Variants in GARNL3 observed in about 807,000 individuals in gnomAD.
GARNL3 encodes the protein GTPase activating Rap/RanGAP domain like 3, also known as GTPase-activating Rap/Ran-GAP domain-like protein 3.
Under a neutral mutation model 125.0 loss-of-function variants are expected in GARNL3, and 63 were observed. The ratio of observed to expected loss-of-function variants is 0.50; its 90% confidence interval spans 0.41 to 0.62. The LOEUF (loss-of-function observed/expected upper bound fraction) is 0.62. Ranked by LOEUF, GARNL3 falls within the 20% of genes least tolerant of loss-of-function variation. The pLI, the probability that GARNL3 is intolerant of heterozygous loss-of-function variation, is 0.00. For missense variants in GARNL3, 994 were observed against 1,244.0 expected (o/e 0.80, Z 3.02); for synonymous variants, 439 against 457.5 (o/e 0.96, Z 0.52).
chr9:127,362,426 AC>A (rs1194259985), intron 21 of GARNL3: 1 of 152,106 alleles, frequency 6.6e-6, no homozygotes, highest in African/African-American at 2.4e-5. Context: ...GAAGTCACTT[AC>A]TTACCCCAGA....
At chr9:127,297,392 G>A (rs1215140467) in intron 2 of GARNL3, among the ~76,000 whole-genome samples, 1 of 152,198 alleles carries the variant, frequency 6.6e-6, no homozygotes, top group Non-Finnish European at 1.5e-5. Context: ...GCCCACCTCA[G>A]CCTCCCAAAG....
At chr9:127,270,137 G>T (rs565094334) in intron 1 of GARNL3, among the ~76,000 whole-genome samples, 1 of 152,156 alleles carries the variant, frequency 6.6e-6, no homozygotes, top group East Asian at 1.9e-4. Context: ...GCATTCTCTT[G>T]CTTGTGGACA....
intron 4 of GARNL3, among the ~76,000 whole-genome samples, chr9:127,314,945 G>A (rs1167123426): frequency 6.6e-6 from 1 of 152,192 alleles, no homozygotes; most frequent in African/African-American, 2.4e-5. Flanking sequence ...ATCAGAGAGT[G>A]TTCCAGGTAG....
Position 127,391,524 on chromosome 9 carries a change from C to CAAAAAAAAAAAAAA in GARNL3, c.2870+767_2870+768insAAAAAAAAAAAAAA, listed in dbSNP as rs763160611. Among the ~76,000 whole-genome samples, 54 of 70,454 alleles carry CAAAAAAAAAAAAAA rather than the reference C, an allele frequency of 7.7e-4. 1 individual carries two copies. In the East Asian group the frequency reaches 0.011, roughly 15 times the overall value. The allele number at this position is 70,454 out of a possible 152,430, so 46.2% of individuals were successfully genotyped here. ...GGCAACACAGCAAGACCCATCTCTACAAAAAAAAAATATATATATATATAT... is the reference window on the plus strand; with the variant it reads ...GGCAACACAGCAAGACCCATCTCTACAAAAAAAAAAAAAAAAAAAAAAAATATATATATATATAT... On this transcript the variant is annotated intron_variant, in intron 27 of 27. Transcript: ENST00000373387.
At position 127,385,213 on chromosome 9, in the gene GARNL3, G is replaced by T. The variant is rs1240309139; in HGVS notation, c.2388+68G>T. 6 of 917,184 alleles carry T rather than the reference G, an allele frequency of 6.5e-6. No homozygotes were observed. Among genetic ancestry groups the T allele is most frequent in the Non-Finnish European group, 1.0e-5 (6 of 602,724 alleles). 56.8% of individuals were successfully genotyped at this position (917,184 alleles called of 1,614,324 possible). On this transcript the variant is annotated intron_variant, in intron 24 of 27. Transcript: ENST00000373387. This position sits in a 1 kb window ranked among gnomAD's most constrained non-coding sequence, Gnocchi z 4.1. ...CCCGGCACTGTGGGATTTCAGGTGA[G>T]CACAGAAGCCGCCTCTTGTCAAGTT...
chr9:127,298,729 T>G (rs1365089422), intron 2 of GARNL3, among the ~76,000 whole-genome samples: 1 of 152,216 alleles, frequency 6.6e-6, no homozygotes, highest in African/African-American at 2.4e-5. Context: ...TTAAGGCTTT[T>G]AATATAATTT....
At chr9:127,289,283 C>T (rs965387106) in intron 1 of GARNL3, among the ~76,000 whole-genome samples, 1 of 152,206 alleles carries the variant, frequency 6.6e-6, no homozygotes, top group African/African-American at 2.4e-5. Flanking sequence ...CCCAAGACCA[C>T]TCTCAGGTTT....
chr9:127,362,857 C>G (rs556190293), intron 21 of GARNL3: 2 of 152,180 alleles, frequency 1.3e-5, no homozygotes, highest in Non-Finnish European at 2.9e-5. Flanking sequence ...TCCTGGAGTC[C>G]TCAAGCCAGT....
In GARNL3 at chr9:127,242,285, T is replaced by C. The variant is rs576627985; in HGVS notation, c.-28-794T>C. Among the ~76,000 whole-genome samples the C allele has an allele frequency of 9.1e-4, 139 of 152,348 alleles. No homozygotes were observed. Among genetic ancestry groups the C allele is most frequent in the African/African-American group, 3.3e-3 (136 of 41,582 alleles). On this transcript the variant is annotated intron_variant, in intron 1 of 10. Coordinates refer to the GARNL3 transcript ENST00000439286. This position sits in a 1 kb window ranked among gnomAD's most constrained non-coding sequence, Gnocchi z 4.6. The stretch of plus-strand genomic sequence containing the variant: ...CATAAAATTGCTTTTTATTTTTCCA[T>C]TTCCAAGTAATTGGATTTTGCTGGC...
chr9:127,279,777 G>C (rs1391869145), intron 1 of GARNL3, among the ~76,000 whole-genome samples: 1 of 150,216 alleles, frequency 6.7e-6, no homozygotes, highest in South Asian at 2.1e-4. Flanking sequence ...TTTCATTTTT[G>C]TTTTACTTCA....
chr9:127,365,483 A>G, intron 22 of GARNL3, 117 bp downstream of exon 22: 3 of 844,876 alleles, frequency 3.6e-6, no homozygotes, highest in Non-Finnish European at 5.9e-6. Flanking sequence ...TGGGTTTGTA[A>G]TTGCCTTCCA....
At position 127,316,972 on chromosome 9, in the gene GARNL3, A is replaced by T. The variant is rs1371737752; in HGVS notation, c.439-1091A>T. On this transcript the variant is annotated intron_variant, in intron 4 of 27. Coordinates refer to ENST00000373387, the MANE Select transcript of GARNL3 (RefSeq NM_032293.5). ...TCTTACCCTCCTCTAGCCGTTTGTG[A>T]TGACAATTTTATTACTAATCAAAGT... is the stretch of plus-strand genomic sequence containing the variant. Among the ~76,000 whole-genome samples the T allele has an allele frequency of 3.3e-5, 5 of 152,306 alleles. No individual in the cohort carries two copies. In the East Asian group the frequency reaches 9.6e-4, roughly 29 times the overall value.
intron 17 of GARNL3, among the ~76,000 whole-genome samples, chr9:127,352,331 T>C (rs960418342): frequency 6.6e-6 from 1 of 152,184 alleles, no homozygotes; most frequent in Non-Finnish European, 1.5e-5. Flanking sequence ...AATTTAAACA[T>C]ATGAAACCCT....
At chr9:127,383,038 G>A (rs973738212) in intron 22 of GARNL3, among the ~76,000 whole-genome samples, 3 of 152,210 alleles carry the variant, frequency 2.0e-5, no homozygotes, top group African/African-American at 7.2e-5. Flanking sequence ...ACGCAGACCT[G>A]TGTTCAAACC....
At chr9:127,354,221 C>A in intron 18 of GARNL3, 73 bp from the exon 19 acceptor site, 2 of 1,089,436 alleles carry the variant, frequency 1.8e-6, no homozygotes, top group African/African-American at 1.6e-5. Flanking sequence ...TCTACACAGT[C>A]TGCCCCTGGA....
intron 2 of GARNL3, among the ~76,000 whole-genome samples, chr9:127,304,218 A>C (rs2064881903): frequency 6.6e-6 from 1 of 152,226 alleles, no homozygotes; most frequent in Non-Finnish European, 1.5e-5. Context: ...GATCTTTTGT[A>C]AAATAGGTGA....
In GARNL3 at chr9:127,280,433, A is replaced by G. The variant is rs1448953056; in HGVS notation, c.145-10735A>G. ...GTAAAAAGATGATTCCTAGTGTTTT[A>G]TTCTTACTCTTCTGAAAGACCCAAT... On this transcript the variant is annotated intron_variant, in intron 1 of 27. Transcript: ENST00000373387. This position sits in a 1 kb window ranked among gnomAD's most constrained non-coding sequence, Gnocchi z 4.5. Among the ~76,000 whole-genome samples the G allele has an allele frequency of 6.6e-6, 1 of 152,216 alleles. No individual in the cohort carries two copies.
intron 1 of GARNL3, among the ~76,000 whole-genome samples, chr9:127,285,631 T>C (rs2779729): frequency 0.78 from 118,144 of 152,140 alleles, 46,140 homozygotes; most frequent in Admixed American, 0.83. Context: ...ATTATAATTT[T>C]ATAAACTCTT....
intron 5 of GARNL3, among the ~76,000 whole-genome samples, chr9:127,319,809 C>T (rs1298789324): frequency 1.3e-5 from 2 of 152,102 alleles, no homozygotes; most frequent in African/African-American, 4.8e-5. Flanking sequence ...TCTTTAAGAA[C>T]GTTTAAAAAC....
Sources: allele counts gnomAD v4.1 joint callset (sites outside exome capture counted in the v4.1 genomes callset), GRCh38; gene constraint gnomAD v4.1.1; non-coding constraint Gnocchi (gnomAD v3.1); transcripts MANE v1.5; gene names NCBI Gene and HGNC (gene_info 2026-07-23, HGNC 2026-07-21).